The following NCALD variants were observed in gnomAD, a reference collection of about 807,000 sequenced individuals.
NCALD encodes neurocalcin-delta.
NCALD carries 10 observed loss-of-function variants against 18.6 expected under a neutral mutation model. That is an observed-to-expected ratio of 0.54 (90% CI 0.33 to 0.91). The LOEUF (loss-of-function observed/expected upper bound fraction) is 0.91, where lower values mean the gene tolerates loss of function less well. Among genes scored for constraint, NCALD ranks in the 40% least tolerant of loss-of-function variants. The pLI, the probability that NCALD is intolerant of heterozygous loss-of-function variation, is 0.03. For synonymous variants in NCALD, 88 were observed against 87.4 expected (o/e 1.01, Z -0.04); for missense variants, 184 against 247.6 (o/e 0.74, Z 1.72).
At chr8:101,754,859 A>G (rs1259306723) in intron 1 of NCALD, among the ~76,000 whole-genome samples, 2 of 152,120 alleles carry the variant, frequency 1.3e-5, no homozygotes, top group Non-Finnish European at 2.9e-5. Context: ...TGAATGAATG[A>G]ATGAATGAAT....
chr8:101,920,769 T>C (rs1285744730), intron 2 of NCALD, among the ~76,000 whole-genome samples: 1 of 152,096 alleles, frequency 6.6e-6, no homozygotes, highest in Admixed American at 6.6e-5. Context: ...GGACTAACCA[T>C]TGGGTACTAT....
intron 1 of NCALD, among the ~76,000 whole-genome samples, chr8:101,739,275 A>C (rs1205938587): frequency 6.7e-6 from 1 of 150,320 alleles, no homozygotes; most frequent in Non-Finnish European, 1.5e-5. Context: ...GTCCTCTCTT[A>C]CCCCCCCAGT....
chr8:101,885,318 G>A (rs973909514), intron 4 of NCALD, among the ~76,000 whole-genome samples: 2 of 152,090 alleles, frequency 1.3e-5, no homozygotes, highest in Admixed American at 1.3e-4. Flanking sequence ...CTGGATTTCT[G>A]CCACTAGGCA....
intron 3 of NCALD, among the ~76,000 whole-genome samples, chr8:101,890,308 G>A (rs535988845): frequency 1.3e-5 from 2 of 152,270 alleles, no homozygotes; most frequent in African/African-American, 4.8e-5. Context: ...TAAACTGATA[G>A]TGGGGGTAGA....
At chr8:101,953,790 T>C (rs1296466368) in intron 2 of NCALD, among the ~76,000 whole-genome samples, 1 of 152,252 alleles carries the variant, frequency 6.6e-6, no homozygotes, top group Non-Finnish European at 1.5e-5. Flanking sequence ...TTGAATGAAG[T>C]AAATTATCAA....
At chr8:101,854,886 T>C (rs1371180400) in intron 4 of NCALD, among the ~76,000 whole-genome samples, 1 of 152,316 alleles carries the variant, frequency 6.6e-6, no homozygotes, top group Non-Finnish European at 1.5e-5. Flanking sequence ...ACAAGTAGCA[T>C]GCACTATTAG....
chr8:101,717,600 A>G (rs563757116), intron 2 of NCALD, among the ~76,000 whole-genome samples: 153 of 152,262 alleles, frequency 1.0e-3, no homozygotes, highest in Non-Finnish European at 1.7e-3. Flanking sequence ...TTTCTAAGAG[A>G]TATTTAGAAA....
intron 4 of NCALD, among the ~76,000 whole-genome samples, chr8:101,853,683 G>T (rs151122501): frequency 2.0e-5 from 3 of 152,160 alleles, no homozygotes; most frequent in South Asian, 2.1e-4. Flanking sequence ...AGGCCGGGGT[G>T]GGGGAGTCCA....
At chr8:101,708,298 G>A (rs550410403) in intron 2 of NCALD, among the ~76,000 whole-genome samples, 23 of 152,348 alleles carry the variant, frequency 1.5e-4, no homozygotes, top group African/African-American at 5.3e-4. Flanking sequence ...GGTAAAGACA[G>A]CAGGTAGAGA....
At chr8:101,846,256 T>C (rs1301616225) in intron 4 of NCALD, among the ~76,000 whole-genome samples, 1 of 152,232 alleles carries the variant, frequency 6.6e-6, no homozygotes, top group Non-Finnish European at 1.5e-5. Context: ...CATACTTTTT[T>C]CCGTAATGGG....
At chr8:101,839,293 G>GAA (rs964933764) in intron 4 of NCALD, among the ~76,000 whole-genome samples, 1 of 148,408 alleles carries the variant, frequency 6.7e-6, no homozygotes, top group African/African-American at 2.5e-5. Context: ...ACAGAAGAGG[G>GAA]AAAAAAAAAA....
At chr8:101,899,627 T>A (rs1292601677) in intron 3 of NCALD, among the ~76,000 whole-genome samples, 1 of 151,958 alleles carries the variant, frequency 6.6e-6, no homozygotes, top group Non-Finnish European at 1.5e-5. Context: ...TTTCTGTACA[T>A]CAATTAGTAT....
At chr8:101,880,006 T>C (rs1013286673) in intron 4 of NCALD, among the ~76,000 whole-genome samples, 1 of 121,662 alleles carries the variant, frequency 8.2e-6, no homozygotes, top group Admixed American at 1.0e-4. Flanking sequence ...GGGCGGTGGA[T>C]GGGACTGGGC....
intron 4 of NCALD, among the ~76,000 whole-genome samples, chr8:101,830,161 C>T (rs375609095): frequency 2.0e-5 from 3 of 152,042 alleles, no homozygotes; most frequent in South Asian, 2.1e-4. Flanking sequence ...AATTGCTGAT[C>T]TCAATGGAGT....
intron 2 of NCALD, among the ~76,000 whole-genome samples, chr8:101,977,073 G>A (rs1490140787): frequency 6.6e-6 from 1 of 151,912 alleles, no homozygotes; most frequent in Non-Finnish European, 1.5e-5. Flanking sequence ...TAAATTTAAA[G>A]AGAAACAAAG....
chr8:102,025,721 G>T lies in NCALD; in HGVS notation c.-209-5432C>A, dbSNP rs183643917. 1.8e-4 allele frequency among the ~76,000 whole-genome samples: 27 copies of T among 152,226 alleles called. 1 individual carries two copies. The highest frequency in any genetic ancestry group is 1.1e-3 in the Admixed American group (17 of 15,300). ...TGGGCAAAAATCATGTTATATCTTT[G>T]AGGCATGTGGATCCTTAAGTATAAC... is the stretch of plus-strand genomic sequence containing the variant. On this transcript the variant is annotated intron_variant, in intron 1 of 6. Coordinates refer to the NCALD transcript ENST00000311028.
At chr8:101,794,682 T>A (rs1413627789), upstream of NCALD, among the ~76,000 whole-genome samples, 1 of 152,200 alleles carries the variant, frequency 6.6e-6, no homozygotes, top group Admixed American at 6.5e-5. Flanking sequence ...AATCATTTAC[T>A]ATAATAATCC....
Position 101,719,600 on chromosome 8 carries a change from C to G in NCALD, c.30G>C (p.Pro10=). ...TTTCCAGCAAGTCCTGCATGACCTC[C>G]GGGCGCAGCTTGCTGTTCTGTTTCC... MGKQNSKLR[P]EVMQDLLEST... is the part of the protein sequence containing the mutation. Residue 10 remains proline (P), a synonymous_variant, in exon 2 of 4, where the codon CCG becomes CCC. Coordinates refer to ENST00000220931, the MANE Select transcript of NCALD (RefSeq NM_032041.3). 2 of 1,598,184 alleles carry G rather than the reference C, an allele frequency of 1.3e-6. No individual in the cohort carries two copies. Among genetic ancestry groups the G allele is most frequent in the Non-Finnish European group, 1.7e-6 (2 of 1,173,720 alleles).
intron 4 of NCALD, among the ~76,000 whole-genome samples, chr8:101,817,321 C>T (rs561493043): frequency 1.1e-4 from 17 of 152,252 alleles, no homozygotes; most frequent in East Asian, 7.7e-4. Flanking sequence ...GATTAGGATG[C>T]CATCCTCTTC....
Sources: allele counts gnomAD v4.1 joint callset (sites outside exome capture counted in the v4.1 genomes callset), GRCh38; gene constraint gnomAD v4.1.1; transcripts MANE v1.5; gene names NCBI Gene and HGNC (gene_info 2026-07-23, HGNC 2026-07-21).